The following LIMS2 variants were observed in gnomAD, a reference collection of about 807,000 sequenced individuals.
The protein encoded by LIMS2 is LIM and senescent cell antigen-like-containing domain protein 2.
Under a neutral mutation model 45.3 loss-of-function variants are expected in LIMS2, and 30 were observed. That is an observed-to-expected ratio of 0.66 (90% CI 0.50 to 0.90). The LOEUF (loss-of-function observed/expected upper bound fraction) is 0.90, where lower values mean the gene tolerates loss of function less well. Ranked by LOEUF, LIMS2 falls within the 40% of genes least tolerant of loss-of-function variation. The probability of loss-of-function intolerance (pLI) is 0.00; values close to 1 mark genes in which losing one functional copy is unlikely to be tolerated. For synonymous variants in LIMS2, 173 were observed against 188.0 expected (o/e 0.92, Z 0.65); for missense variants, 485 against 468.7 (o/e 1.03, Z -0.32).
intron 4 of LIMS2, chr2:127,651,436 T>C (rs779915148): frequency 2.5e-6 from 4 of 1,612,820 alleles, no homozygotes; most frequent in East Asian, 4.5e-5. Flanking sequence ...ACCAAGGCAG[T>C]GCGCATGATC....
intron 2 of LIMS2, chr2:127,656,097 T>C (rs554546963): frequency 2.0e-5 from 3 of 152,350 alleles, no homozygotes; most frequent in East Asian, 3.9e-4. Context: ...GCATAGACGA[T>C]AGTAAAGTGG....
At position 127,654,065 on chromosome 2, in the gene LIMS2, C is replaced by T. The variant is rs533468723; in HGVS notation, c.359+359G>A. 7.2e-5 allele frequency among the ~76,000 whole-genome samples: 11 copies of T among 152,124 alleles called. 1 individual carries two copies. Among genetic ancestry groups the T allele is most frequent in the African/African-American group, 1.9e-4 (8 of 41,506 alleles). On this transcript the variant is annotated intron_variant, in intron 4 of 9. Coordinates refer to ENST00000355119, the MANE Select transcript of LIMS2 (RefSeq NM_001161403.3). ...TCTGGAGTACCCATGAGGTTTGTGG[C>T]CCTCAATTTAGAGTAAATGTGGGCA...
intron 1 of LIMS2, among the ~76,000 whole-genome samples, chr2:127,668,711 ACAC>A (rs138807000): frequency 8.4e-6 from 1 of 119,494 alleles, no homozygotes; most frequent in African/African-American, 3.5e-5. Context: ...AAAAAAAAAA[ACAC>A]CTTACTTAAA....
chr2:127,651,294 GAGA>G (rs757293356), intron 4 of LIMS2: 1 of 1,608,396 alleles, frequency 6.2e-7, no homozygotes, highest in South Asian at 1.1e-5. Context: ...GCTGTACCGG[GAGA>G]AGGCCTCCCA....
At chr2:127,668,661 T>G (rs1281334840) in intron 1 of LIMS2, among the ~76,000 whole-genome samples, 1 of 54,322 alleles carries the variant, frequency 1.8e-5, no homozygotes, top group Non-Finnish European at 3.2e-5. Context: ...AGAGTGAGAC[T>G]CCGTCTCAAA....
At chr2:127,680,234 C>T (rs111780177), upstream of LIMS2, among the ~76,000 whole-genome samples, 19 of 152,354 alleles carry the variant, frequency 1.2e-4, no homozygotes, top group Non-Finnish European at 2.4e-4. Flanking sequence ...CAGGACACCG[C>T]CCCTGGCACC....
intron 4 of LIMS2, among the ~76,000 whole-genome samples, chr2:127,644,730 A>T (rs1224037283): frequency 6.6e-6 from 1 of 152,140 alleles, no homozygotes; most frequent in Non-Finnish European, 1.5e-5. Context: ...GACAGTGATC[A>T]CCCCAATAAC....
At position 127,642,689 on chromosome 2, in the gene LIMS2, G is replaced by A; in HGVS notation, c.509+234C>T. 2 of 549,122 alleles carry A rather than the reference G, an allele frequency of 3.6e-6. No homozygotes were observed. The highest frequency in any genetic ancestry group is 6.5e-6 in the Non-Finnish European group (2 of 309,148). 34.0% of individuals were successfully genotyped at this position (549,122 alleles called of 1,614,324 possible). The stretch of plus-strand genomic sequence containing the variant: ...TAGGGGTCCAGCCCACCCGCCTCCT[G>A]AGTCTCAAGTGCCCCCCAAACAGAG... On this transcript the variant is annotated intron_variant, in intron 5 of 9. Coordinates refer to ENST00000355119, the MANE Select transcript of LIMS2 (RefSeq NM_001161403.3). This position sits in a 1 kb window ranked among gnomAD's most constrained non-coding sequence, Gnocchi z 5.3.
chr2:127,668,680 A>AC (rs1685134035), intron 1 of LIMS2, among the ~76,000 whole-genome samples: 1 of 108,198 alleles, frequency 9.2e-6, no homozygotes, highest in Non-Finnish European at 1.9e-5. Context: ...AAAAAAAAAA[A>AC]AAAAAAAAAA....
intron 1 of LIMS2, among the ~76,000 whole-genome samples, chr2:127,663,190 G>C (rs909071157): frequency 2.2e-4 from 34 of 152,276 alleles, no homozygotes; most frequent in Admixed American, 2.2e-3. Context: ...CTCGCAGCCT[G>C]GTACCACAGT....
At chr2:127,660,277 G>A (rs1558893906) in intron 1 of LIMS2, among the ~76,000 whole-genome samples, 1 of 152,140 alleles carries the variant, frequency 6.6e-6, no homozygotes, top group African/African-American at 2.4e-5. Flanking sequence ...GCCAAATAAG[G>A]GAATAAAACC....
intron 1 of LIMS2, among the ~76,000 whole-genome samples, chr2:127,662,155 CT>C (rs1022542539): frequency 3.3e-5 from 5 of 152,170 alleles, no homozygotes; most frequent in African/African-American, 9.7e-5. Flanking sequence ...CCGACGCCCC[CT>C]GTCTGTGTGA....
At position 127,642,290 on chromosome 2, in the gene LIMS2, A is replaced by C; in HGVS notation, c.510-91T>G. On this transcript the variant is annotated intron_variant, in intron 5 of 9. Coordinates refer to ENST00000355119, the MANE Select transcript of LIMS2 (RefSeq NM_001161403.3). The surrounding 1 kb of genome is among the most constrained non-coding windows in gnomAD (Gnocchi z 5.3). ...CTCCACCCCAGGGCACGGCTCCCCG[A>C]GGGGCCCATTCTGTCCCTGCAGAGC... 2.2e-6 allele frequency: 3 copies of C among 1,378,824 alleles called. No homozygotes were observed. Among genetic ancestry groups the C allele is most frequent in the Non-Finnish European group, 2.9e-6 (3 of 1,048,754 alleles). 85.4% of individuals were successfully genotyped at this position (1,378,824 alleles called of 1,614,324 possible).
At chr2:127,661,778 T>C (rs557997508) in intron 1 of LIMS2, among the ~76,000 whole-genome samples, 2 of 152,318 alleles carry the variant, frequency 1.3e-5, no homozygotes, top group East Asian at 1.9e-4. Flanking sequence ...CAGAGGAGCC[T>C]GCTCTGTTCC....
intron 9 of LIMS2, 101 bp from the exon 10 acceptor site, chr2:127,639,529 C>T (rs1320488791): frequency 2.8e-6 from 4 of 1,436,830 alleles, no homozygotes; most frequent in South Asian, 1.3e-5. Context: ...AGCCTCCCCA[C>T]ACCAGCCTCT....
At chr2:127,652,575 C>A in intron 4 of LIMS2, 1 of 166,700 alleles carries the variant, frequency 6.0e-6, no homozygotes. Context: ...GCAGATATTT[C>A]CCTAACATGT....
At position 127,642,811 on chromosome 2, in the gene LIMS2, C is replaced by A; in HGVS notation, c.509+112G>T. 1 of 1,252,004 alleles carries A rather than the reference C, an allele frequency of 8.0e-7. No individual in the cohort carries two copies. Among genetic ancestry groups the A allele is most frequent in the East Asian group, 2.6e-5 (1 of 39,194 alleles). 77.6% of individuals were successfully genotyped at this position (1,252,004 alleles called of 1,614,324 possible). ...CTCGGGACCCCTCTGTCTGCCCACC[C>A]TGCTCCCCTCTCCCTCCTCAACACT... On this transcript the variant is annotated intron_variant, in intron 5 of 9. Transcript: ENST00000355119. This position sits in a 1 kb window ranked among gnomAD's most constrained non-coding sequence, Gnocchi z 5.3.
Position 127,642,285 on chromosome 2 carries a change from C to A in LIMS2, c.510-86G>T. ...AGCGCCTCCACCCCAGGGCACGGCT[C>A]CCCGAGGGGCCCATTCTGTCCCTGC... On this transcript the variant is annotated intron_variant, in intron 5 of 9. Coordinates refer to ENST00000355119, the MANE Select transcript of LIMS2 (RefSeq NM_001161403.3). The surrounding 1 kb of genome is among the most constrained non-coding windows in gnomAD (Gnocchi z 5.3). The A allele has an allele frequency of 7.2e-7, 1 of 1,379,982 alleles. No homozygotes were observed. Among genetic ancestry groups the A allele is most frequent in the Non-Finnish European group, 9.5e-7 (1 of 1,049,338 alleles). The allele number at this position is 1,379,982 out of a possible 1,614,324, so 85.5% of individuals were successfully genotyped here. A position where few individuals can be genotyped will look rare whatever the true frequency, so the allele number is the denominator to read the frequency against.
At position 127,664,405 on chromosome 2, in the gene LIMS2, C is replaced by T; in HGVS notation, c.12-6843G>A. The T allele has an allele frequency of 1.7e-6, 2 of 1,199,346 alleles. No homozygotes were observed. The highest frequency in any genetic ancestry group is 2.1e-6 in the Non-Finnish European group (2 of 967,080). 74.3% of individuals were successfully genotyped at this position (1,199,346 alleles called of 1,614,324 possible). On this transcript the variant is annotated intron_variant, in intron 1 of 9. Transcript: ENST00000355119. This position sits in a 1 kb window ranked among gnomAD's most constrained non-coding sequence, Gnocchi z 5.5. ...GGCCGCCATGGCGCGGGGCAGCCGC[C>T]TTGAGGTCGCGGGCGCGGGCCGCCT...
Sources: gnomAD v4.1 joint callset for allele counts (sites outside exome capture counted in the v4.1 genomes callset) on GRCh38, gnomAD v4.1.1 for gene constraint, Gnocchi (gnomAD v3.1) non-coding constraint, MANE v1.5 for transcripts, NCBI Gene and HGNC (gene_info 2026-07-23, HGNC 2026-07-21) for gene names.